Variants in IRAG1 observed in about 807,000 individuals in gnomAD.
The protein encoded by IRAG1 is inositol 1,4,5-triphosphate receptor associated 1.
In IRAG1, 62 loss-of-function variants were observed where a neutral mutation model predicts 106.2. That is an observed-to-expected ratio of 0.58 (90% confidence interval 0.48 to 0.72). The LOEUF (loss-of-function observed/expected upper bound fraction) is 0.72. IRAG1 is among the 30% of genes least tolerant of loss of function. The pLI, the probability that IRAG1 is intolerant of heterozygous loss-of-function variation, is 0.00. For synonymous variants in IRAG1, 462 were observed against 443.9 expected (o/e 1.04, Z -0.51); for missense variants, 1,064 against 1,140.7 (o/e 0.93, Z 0.97).
At chr11:10,633,535 G>A (rs915907329) in intron 3 of IRAG1, among the ~76,000 whole-genome samples, 6 of 152,336 alleles carry the variant, frequency 3.9e-5, no homozygotes, top group South Asian at 2.1e-4. Context: ...CCAGGGGCAG[G>A]ATTCTACATT....
chr11:10,672,370 A>G (rs1284534226), intron 1 of IRAG1, among the ~76,000 whole-genome samples: 1 of 152,240 alleles, frequency 6.6e-6, no homozygotes, highest in Admixed American at 6.5e-5. Flanking sequence ...AAAATTCTGT[A>G]TTGAAAGTGA....
At position 10,632,121 on chromosome 11, in the gene IRAG1, A is replaced by G. The variant is rs143694771; in HGVS notation, c.330-60T>C. On this transcript the variant is annotated intron_variant, in intron 3 of 20. Transcript: ENST00000423302. Reference sequence around the variant, plus strand: ...CAATCCACAACTTGAAAATAGGTGAAAAGATGCCTGTATATTCTTTTTCTT... The same window carrying G: ...CAATCCACAACTTGAAAATAGGTGAGAAGATGCCTGTATATTCTTTTTCTT... 1.3e-3 allele frequency: 1,402 copies of G among 1,109,574 alleles called. 13 individuals are homozygous for G. The African/African-American group carries it at 0.019, about 15-fold the overall frequency. 68.7% of individuals were successfully genotyped at this position (1,109,574 alleles called of 1,614,324 possible).
chr11:10,681,817 A>G (rs970283217), intron 1 of IRAG1, among the ~76,000 whole-genome samples: 13 of 152,184 alleles, frequency 8.5e-5, no homozygotes, highest in Admixed American at 2.6e-4. Context: ...GCATTTGTTC[A>G]TTCATTTAAT....
At chr11:10,690,979 C>T in intron 1 of IRAG1, among the ~76,000 whole-genome samples, 3 of 152,304 alleles carry the variant, frequency 2.0e-5, no homozygotes, top group Middle Eastern at 6.8e-3. Context: ...CTACCCAGGC[C>T]TCTGCTTCTA....
rs367732362 is a variant in IRAG1 at position 10,593,480 on chromosome 11, C to A, written c.2175+12G>T. ...CTATTCTGTGCTGGGAGGCAGACAT[C>A]GTCATACTTACCAAGGCTGGTAAGG... On this transcript the variant is annotated intron_variant, in intron 17 of 20. Transcript: ENST00000423302. The A allele has an allele frequency of 9.3e-5, 149 of 1,606,078 alleles. No individual in the cohort carries two copies. The highest frequency in any genetic ancestry group is 1.1e-4 in the Non-Finnish European group (131 of 1,173,074).
At position 10,660,568 on chromosome 11, in the gene IRAG1, A is replaced by C. The variant is rs187385873; in HGVS notation, c.68-8386T>G. ...TTGCCAGCACACCACTGAGCTACTC[A>C]GCCCCAGGCTCCCTGATTCTTGCTC... On this transcript the variant is annotated intron_variant, in intron 1 of 20. Transcript: ENST00000423302. 1.9e-3 allele frequency among the ~76,000 whole-genome samples: 283 copies of C among 152,270 alleles called. 2 individuals are homozygous for C. Among genetic ancestry groups the C allele is most frequent in the African/African-American group, 6.6e-3 (273 of 41,540 alleles).
intron 12 of IRAG1, among the ~76,000 whole-genome samples, chr11:10,606,420 T>C (rs936380146): frequency 2.6e-5 from 4 of 152,228 alleles, no homozygotes; most frequent in African/African-American, 9.7e-5. Context: ...TGAAATAAAT[T>C]TGATTCAATT....
chr11:10,650,043 A>C (rs1207248327), intron 2 of IRAG1, among the ~76,000 whole-genome samples: 1 of 152,202 alleles, frequency 6.6e-6, no homozygotes, highest in Non-Finnish European at 1.5e-5. Flanking sequence ...ATTTTTACAA[A>C]TGGGTAGATT....
chr11:10,616,993 T>C (rs1265639213), intron 10 of IRAG1: 1 of 982,494 alleles, frequency 1.0e-6, no homozygotes, highest in Non-Finnish European at 1.2e-6. Context: ...AGTCCCAGGA[T>C]GGTTCCTAAA....
At chr11:10,673,852 A>G (rs1860441749) in intron 1 of IRAG1, among the ~76,000 whole-genome samples, 2 of 152,180 alleles carry the variant, frequency 1.3e-5, no homozygotes, top group South Asian at 4.1e-4. Flanking sequence ...AATGTAAGAA[A>G]ACAGGTTGAG....
At chr11:10,624,674 G>T (rs1490636921) in intron 9 of IRAG1, among the ~76,000 whole-genome samples, 1 of 152,130 alleles carries the variant, frequency 6.6e-6, no homozygotes, top group Non-Finnish European at 1.5e-5. Flanking sequence ...GGAAGTCATG[G>T]TCAAGGACCC....
chr11:10,680,141 C>T lies in IRAG1; in HGVS notation c.67+13395G>A, dbSNP rs370162312. On this transcript the variant is annotated intron_variant, in intron 1 of 20. Coordinates refer to ENST00000423302, the MANE Select transcript of IRAG1 (RefSeq NM_130385.4). ...TACAAAAATTGGCCAGGCATGGTGG[C>T]GCATGCCTGTAATCCCAGCTACTTG... is the stretch of plus-strand genomic sequence containing the variant. 1.4e-4 allele frequency among the ~76,000 whole-genome samples: 21 copies of T among 151,492 alleles called. No individual in the cohort carries two copies. In the East Asian group the frequency reaches 1.9e-3, roughly 14 times the overall value.
At position 10,678,011 on chromosome 11, in the gene IRAG1, G is replaced by GTCTGTCTA. The variant is rs1491365322; in HGVS notation, c.67+15524_67+15525insTAGACAGA. ...TCCATCATTATCTATCTCTCTATCT[G>GTCTGTCTA]TCTATCTATCTATCTATCTATCATC... On this transcript the variant is annotated intron_variant, in intron 1 of 20. Transcript: ENST00000423302. Among the ~76,000 whole-genome samples the GTCTGTCTA allele has an allele frequency of 6.1e-3, 861 of 142,174 alleles. 9 individuals are homozygous for GTCTGTCTA. Among genetic ancestry groups the GTCTGTCTA allele is most frequent in the African/African-American group, 0.02 (803 of 40,578 alleles). The allele number at this position is 142,174 out of a possible 152,430, so 93.3% of individuals were successfully genotyped here.
At chr11:10,577,874 C>T (rs1366155260) in intron 20 of IRAG1, among the ~76,000 whole-genome samples, 1 of 152,180 alleles carries the variant, frequency 6.6e-6, no homozygotes, top group East Asian at 1.9e-4. Flanking sequence ...TGAACACATT[C>T]GCTGATTTGA....
At chr11:10,675,041 C>T (rs2135139516) in intron 1 of IRAG1, among the ~76,000 whole-genome samples, 1 of 152,348 alleles carries the variant, frequency 6.6e-6, no homozygotes, top group South Asian at 2.1e-4. Flanking sequence ...AAGGAATGGG[C>T]ACCGCCCTGC....
intron 12 of IRAG1, 79 bp from the exon 13 acceptor site, chr11:10,604,624 G>C: frequency 6.4e-7 from 1 of 1,557,034 alleles, no homozygotes; most frequent in Non-Finnish European, 8.8e-7. Context: ...CTCCTTGCAC[G>C]AGCGTTTTGC....
chr11:10,607,626 G>A (rs1194312671), intron 11 of IRAG1, among the ~76,000 whole-genome samples: 4 of 151,194 alleles, frequency 2.6e-5, no homozygotes, highest in Non-Finnish European at 5.9e-5. Flanking sequence ...GGCCTGGGAG[G>A]GGTCCTACCA....
At chr11:10,683,571 T>C (rs1861433625) in intron 1 of IRAG1, among the ~76,000 whole-genome samples, 2 of 152,220 alleles carry the variant, frequency 1.3e-5, no homozygotes, top group South Asian at 4.1e-4. Context: ...GGTTCTCTGC[T>C]GTGTGCTTCA....
chr11:10,596,005 T>C (rs1227150106), intron 15 of IRAG1, among the ~76,000 whole-genome samples: 3 of 152,246 alleles, frequency 2.0e-5, no homozygotes, highest in Non-Finnish European at 2.9e-5. Flanking sequence ...GCCCCACGCA[T>C]GTTCCTGCAA....
Sources: gnomAD v4.1 joint callset for allele counts (sites outside exome capture counted in the v4.1 genomes callset) on GRCh38, gnomAD v4.1.1 for gene constraint, MANE v1.5 for transcripts, NCBI Gene and HGNC (gene_info 2026-07-23, HGNC 2026-07-21) for gene names.